The following ZMAT4 variants were observed in gnomAD, a reference collection of about 807,000 sequenced individuals.
The protein encoded by ZMAT4 is zinc finger matrin-type protein 4.
ZMAT4 carries 17 observed loss-of-function variants against 28.7 expected under a neutral mutation model. The observed-to-expected ratio is 0.59, with a 90% CI of 0.41 to 0.89. ZMAT4 has a LOEUF of 0.89. Among genes scored for constraint, ZMAT4 ranks in the 40% least tolerant of loss-of-function variants. ZMAT4 has a pLI of 0.00. For missense variants in ZMAT4, 240 were observed against 283.8 expected (o/e 0.85, Z 1.11); for synonymous variants, 117 against 109.2 (o/e 1.07, Z -0.44).
chr8:40,544,250 A>G lies in ZMAT4; in HGVS notation c.675-12012T>C, dbSNP rs556172801. 1.1e-3 allele frequency among the ~76,000 whole-genome samples: 171 copies of G among 152,350 alleles called. 1 individual carries two copies. Among genetic ancestry groups the G allele is most frequent in the African/African-American group, 4.1e-3 (169 of 41,586 alleles). ...TAAATTGAAGGAAGAATTGTTAAACATGAAGGAACCAAGACCTGATAATTT... is the reference window on the plus strand; with the variant it reads ...TAAATTGAAGGAAGAATTGTTAAACGTGAAGGAACCAAGACCTGATAATTT... On this transcript the variant is annotated intron_variant, in intron 6 of 6. Coordinates refer to ENST00000297737, the MANE Select transcript of ZMAT4 (RefSeq NM_024645.3).
At chr8:40,602,081 C>T (rs7012238) in intron 5 of ZMAT4, among the ~76,000 whole-genome samples, 24,614 of 152,064 alleles carry the variant, frequency 0.16, 2,896 homozygotes, top group East Asian at 0.57. Flanking sequence ...GTCCTCATAG[C>T]CTAGCTCTCA....
chr8:40,883,120 G>A (rs1035841436), intron 1 of ZMAT4, among the ~76,000 whole-genome samples: 2 of 152,122 alleles, frequency 1.3e-5, no homozygotes, highest in African/African-American at 4.8e-5. Flanking sequence ...GACATAAACA[G>A]GTCCCTTGGC....
intron 5 of ZMAT4, among the ~76,000 whole-genome samples, chr8:40,643,020 A>T (rs1209662679): frequency 6.6e-6 from 1 of 152,124 alleles, no homozygotes; most frequent in Non-Finnish European, 1.5e-5. Context: ...GAAACTGGAG[A>T]AGTTTTGGAA....
At chr8:40,891,871 G>A (rs1818704865) in intron 1 of ZMAT4, among the ~76,000 whole-genome samples, 1 of 152,158 alleles carries the variant, frequency 6.6e-6, no homozygotes, top group South Asian at 2.1e-4. Flanking sequence ...TTTCTTCTCA[G>A]GGCTACACAC....
intron 1 of ZMAT4, among the ~76,000 whole-genome samples, chr8:40,854,760 C>T (rs1222324145): frequency 1.3e-5 from 2 of 152,128 alleles, no homozygotes; most frequent in Non-Finnish European, 2.9e-5. Flanking sequence ...GCAGTTAAAA[C>T]AGTACGGAAG....
At chr8:40,621,451 A>G (rs1173160457) in intron 5 of ZMAT4, among the ~76,000 whole-genome samples, 1 of 152,220 alleles carries the variant, frequency 6.6e-6, no homozygotes, top group African/African-American at 2.4e-5. Flanking sequence ...ATCATGTCTG[A>G]GCAGCTGATA....
At chr8:40,847,557 T>C (rs1418756546) in intron 1 of ZMAT4, among the ~76,000 whole-genome samples, 1 of 152,182 alleles carries the variant, frequency 6.6e-6, no homozygotes, top group African/African-American at 2.4e-5. Flanking sequence ...CAATGGGCGT[T>C]CCTGGGAAAT....
At chr8:40,545,457 C>T (rs1327496695) in intron 6 of ZMAT4, among the ~76,000 whole-genome samples, 1 of 152,188 alleles carries the variant, frequency 6.6e-6, no homozygotes, top group Admixed American at 6.5e-5. Flanking sequence ...AGTCCTAACA[C>T]TCAGTGTCTC....
At chr8:40,807,132 T>G (rs894441164) in intron 2 of ZMAT4, among the ~76,000 whole-genome samples, 50 of 62,712 alleles carry the variant, frequency 8.0e-4, no homozygotes, top group Admixed American at 1.1e-3. Flanking sequence ...GGTAGTGGGG[T>G]GAGGACAAAA....
chr8:40,892,642 G>A (rs932387681), intron 1 of ZMAT4, among the ~76,000 whole-genome samples: 3 of 152,228 alleles, frequency 2.0e-5, no homozygotes, highest in African/African-American at 2.4e-5. Flanking sequence ...GGACATGGAG[G>A]ACCTGGATTC....
chr8:40,801,465 C>T (rs1814844991), intron 2 of ZMAT4, among the ~76,000 whole-genome samples: 1 of 150,206 alleles, frequency 6.7e-6, no homozygotes, highest in Admixed American at 6.6e-5. Flanking sequence ...GTCAGGAGTT[C>T]GAGTCAAGCG....
At chr8:40,694,865 C>T (rs1029810097) in intron 4 of ZMAT4, among the ~76,000 whole-genome samples, 5 of 152,164 alleles carry the variant, frequency 3.3e-5, no homozygotes, top group African/African-American at 7.2e-5. Flanking sequence ...ACTCCCCTCA[C>T]CTTTCTGTGT....
intron 5 of ZMAT4, among the ~76,000 whole-genome samples, chr8:40,624,721 A>C (rs957648842): frequency 4.6e-5 from 7 of 152,188 alleles, no homozygotes; most frequent in African/African-American, 1.7e-4. Flanking sequence ...CTTAACTGGA[A>C]AACTTCAATA....
At chr8:40,739,761 G>A (rs1811923088) in intron 3 of ZMAT4, among the ~76,000 whole-genome samples, 1 of 152,094 alleles carries the variant, frequency 6.6e-6, no homozygotes, top group Non-Finnish European at 1.5e-5. Context: ...AGCCCAGCAT[G>A]CATTAGGTGT....
intron 4 of ZMAT4, chr8:40,697,037 G>T: frequency 2.1e-6 from 1 of 482,240 alleles, no homozygotes. Context: ...AAGGAACTAG[G>T]GTGATAGAAT....
At chr8:40,540,449 G>T (rs1802993755) in intron 6 of ZMAT4, among the ~76,000 whole-genome samples, 1 of 152,172 alleles carries the variant, frequency 6.6e-6, no homozygotes, top group African/African-American at 2.4e-5. Context: ...CCACAACCCT[G>T]ATTTCACAAG....
At chr8:40,892,036 C>T (rs1563270546) in intron 1 of ZMAT4, among the ~76,000 whole-genome samples, 1 of 152,248 alleles carries the variant, frequency 6.6e-6, no homozygotes, top group South Asian at 2.1e-4. Context: ...CCTTTGGGTC[C>T]GGAGCTAGGC....
chr8:40,892,952 G>A (rs1302721229), intron 1 of ZMAT4, among the ~76,000 whole-genome samples: 13 of 152,262 alleles, frequency 8.5e-5, no homozygotes, highest in Admixed American at 3.3e-4. Flanking sequence ...CTGCTTATCC[G>A]TTTCCTAAAG....
At chr8:40,722,824 G>C (rs1013965797) in intron 3 of ZMAT4, among the ~76,000 whole-genome samples, 2 of 152,154 alleles carry the variant, frequency 1.3e-5, no homozygotes, top group African/African-American at 4.8e-5. Context: ...GACACCGGGT[G>C]ATAAGTGCTC....
Sources: gnomAD v4.1 joint callset for allele counts (sites outside exome capture counted in the v4.1 genomes callset) on GRCh38, gnomAD v4.1.1 for gene constraint, MANE v1.5 for transcripts, NCBI Gene and HGNC (gene_info 2026-07-23, HGNC 2026-07-21) for gene names.